The following TMEM230 variants were observed in gnomAD, a reference collection of about 807,000 sequenced individuals.
The protein encoded by TMEM230 is UPF0414 transmembrane protein C20orf30.
In TMEM230, 10 loss-of-function variants were observed where a neutral mutation model predicts 15.8. The ratio of observed to expected loss-of-function variants is 0.63; its 90% CI spans 0.39 to 1.07. The LOEUF is 1.07. Among genes scored for constraint, TMEM230 ranks in the 50% least tolerant of loss-of-function variants. The probability of loss-of-function intolerance (pLI) is 0.01; values close to 1 mark genes in which losing one functional copy is unlikely to be tolerated. For synonymous variants in TMEM230, 67 were observed against 76.9 expected, an observed-to-expected ratio of 0.87 and a Z score of 0.68; for missense variants, 165 against 193.3, an observed-to-expected ratio of 0.85 and a Z score of 0.87.
chr20:5,106,817 T>G (rs1239101215), intron 3 of TMEM230, among the ~76,000 whole-genome samples: 1 of 152,070 alleles, frequency 6.6e-6, no homozygotes, highest in Non-Finnish European at 1.5e-5. Flanking sequence ...GCAATTCTCT[T>G]GCCTCATCCT....
chr20:5,071,689 G>A (rs894421747), intron 3 of TMEM230, among the ~76,000 whole-genome samples: 5 of 151,902 alleles, frequency 3.3e-5, no homozygotes, highest in Admixed American at 3.3e-4. Context: ...ATAGCAAGGT[G>A]AATACAGACA....
intron 3 of TMEM230, among the ~76,000 whole-genome samples, chr20:5,072,531 G>A (rs2122550249): frequency 6.6e-6 from 1 of 152,074 alleles, no homozygotes; most frequent in South Asian, 2.1e-4. Flanking sequence ...GAGACTATAA[G>A]AACATGAACT....
intron 3 of TMEM230, among the ~76,000 whole-genome samples, chr20:5,085,641 G>A (rs1165744642): frequency 2.6e-5 from 4 of 152,026 alleles, no homozygotes; most frequent in Non-Finnish European, 5.9e-5. Context: ...AAAGGAGCCT[G>A]TTTTTCTCTG....
At chr20:5,105,183 G>A (rs1368211918) in intron 4 of TMEM230, among the ~76,000 whole-genome samples, 1 of 152,190 alleles carries the variant, frequency 6.6e-6, no homozygotes, top group Non-Finnish European at 1.5e-5. Context: ...TAACTCAGGA[G>A]GCTGAGGCAG....
At chr20:5,098,803 T>C (rs1159401823), downstream of TMEM230, among the ~76,000 whole-genome samples, 1 of 150,570 alleles carries the variant, frequency 6.6e-6, no homozygotes, top group Non-Finnish European at 1.5e-5. Context: ...AAAATAGAAT[T>C]GGGGGGGGGA....
chr20:5,082,967 GC>G (rs2122605414), intron 3 of TMEM230, among the ~76,000 whole-genome samples: 1 of 140,918 alleles, frequency 7.1e-6, no homozygotes, highest in African/African-American at 2.6e-5. Context: ...CACTCTTGTC[GC>G]CCAGGCTGTA....
At chr20:5,106,437 C>A (rs1222278886) in intron 3 of TMEM230, 127 bp from the exon 3 acceptor site, 2 of 1,197,074 alleles carry the variant, frequency 1.7e-6, no homozygotes, top group South Asian at 1.6e-5. Flanking sequence ...GAGTTTCGTT[C>A]TTGTTGCCCA....
chr20:5,066,783 A>G (rs1049778632), downstream of TMEM230, among the ~76,000 whole-genome samples: 6 of 152,074 alleles, frequency 3.9e-5, no homozygotes, highest in Non-Finnish European at 7.4e-5. Flanking sequence ...GGTCAGACAG[A>G]ACTTCGCTGA....
chr20:5,109,988 T>A (rs568834217), intron 2 of TMEM230, among the ~76,000 whole-genome samples: 1 of 152,334 alleles, frequency 6.6e-6, no homozygotes, highest in Admixed American at 6.5e-5. Context: ...TTGATAGAGA[T>A]CAACCTTTTA....
chr20:5,088,561 A>C (rs1188934357), intron 3 of TMEM230, among the ~76,000 whole-genome samples: 1 of 151,380 alleles, frequency 6.6e-6, no homozygotes, highest in East Asian at 1.9e-4. Flanking sequence ...TCACCTGGCT[A>C]GAGTGCGGTA....
chr20:5,097,787 A>G (rs2089707284), downstream of TMEM230, among the ~76,000 whole-genome samples: 8 of 151,484 alleles, frequency 5.3e-5, no homozygotes, highest in Admixed American at 5.3e-4. Context: ...GGTGCCCGCC[A>G]CCACACCCAG....
chr20:5,112,965 GCGC>G lies in TMEM230; in HGVS notation c.61_63del (p.Ala21del). The G allele has an allele frequency of 1.3e-6, 2 of 1,550,366 alleles. No homozygotes were observed. The highest frequency in any genetic ancestry group is 1.7e-6 in the Non-Finnish European group (2 of 1,147,046). ...CCTGCCGCACACACGCCTTACCGGA[GCGC>G]CGCGCCAGGCCGCCCGCACACCCAG... On this transcript the variant is annotated inframe_deletion, in exon 1 of 5. Coordinates refer to ENST00000342308, the MANE Select transcript of TMEM230 (RefSeq NM_001009923.2).
downstream of TMEM230, among the ~76,000 whole-genome samples, chr20:5,096,544 G>A (rs1454245845): frequency 6.6e-6 from 1 of 152,186 alleles, no homozygotes; most frequent in African/African-American, 2.4e-5. Context: ...TGCTGTTACT[G>A]TCCTTCTACC....
intron 4 of TMEM230, among the ~76,000 whole-genome samples, chr20:5,104,470 G>T (rs2089991802): frequency 6.6e-6 from 1 of 152,198 alleles, no homozygotes; most frequent in Non-Finnish European, 1.5e-5. Flanking sequence ...TAGCCACTAT[G>T]GAGAACAGTA....
chr20:5,064,485 A>C (rs144919758), downstream of TMEM230, among the ~76,000 whole-genome samples: 18 of 152,104 alleles, frequency 1.2e-4, no homozygotes, highest in East Asian at 3.5e-3. Flanking sequence ...CTAAGGAAGG[A>C]GAATCGCTTG....
downstream of TMEM230, among the ~76,000 whole-genome samples, chr20:5,099,058 G>C (rs1270545603): frequency 6.6e-6 from 1 of 151,938 alleles, no homozygotes; most frequent in Non-Finnish European, 1.5e-5. Flanking sequence ...AGGCTCAGTA[G>C]CTCATGCCTA....
chr20:5,090,260 G>A (rs148112303), intron 3 of TMEM230, among the ~76,000 whole-genome samples: 4 of 152,216 alleles, frequency 2.6e-5, no homozygotes, highest in Non-Finnish European at 5.9e-5. Context: ...GACTGAAAGG[G>A]CCAAGAGCAC....
intron 3 of TMEM230, among the ~76,000 whole-genome samples, chr20:5,079,457 G>A (rs1295156542): frequency 6.6e-6 from 1 of 152,174 alleles, no homozygotes; most frequent in East Asian, 1.9e-4. Context: ...ATTTGTAGAT[G>A]AATTTGCATT....
intron 2 of TMEM230, chr20:5,111,178 A>G (rs898023500): frequency 6.9e-6 from 1 of 144,010 alleles, no homozygotes; most frequent in Non-Finnish European, 1.5e-5. Flanking sequence ...TGAGACCCTG[A>G]GTCAAAAAAA....
Sources: gnomAD v4.1 joint callset for allele counts (sites outside exome capture counted in the v4.1 genomes callset) on GRCh38, gnomAD v4.1.1 for gene constraint, MANE v1.5 for transcripts, NCBI Gene and HGNC (gene_info 2026-07-23, HGNC 2026-07-21) for gene names.